EML2: variants seen among roughly 807,000 people sequenced by gnomAD.
EML2 encodes the protein echinoderm microtubule-associated protein-like 2.
A neutral mutation model predicts 84.7 loss-of-function variants in EML2; 59 were observed. The observed-to-expected ratio is 0.70, with a 90% CI of 0.56 to 0.86. The LOEUF (loss-of-function observed/expected upper bound fraction) is 0.86, where lower values mean the gene tolerates loss of function less well. Ranked by LOEUF, EML2 falls within the 40% of genes least tolerant of loss-of-function variation. EML2 has a pLI of 0.00. For missense variants in EML2, 818 were observed against 855.6 expected (o/e 0.96, Z 0.55); for synonymous variants, 352 against 348.9 (o/e 1.01, Z -0.10).
chr19:45,639,090 C>A, intron 1 of EML2: 1 of 728,572 alleles, frequency 1.4e-6, no homozygotes, highest in Non-Finnish European at 2.4e-6. Context: ...CGCCAAAGAT[C>A]ACACAGCACG....
chr19:45,637,968 C>T (rs995025196), intron 3 of EML2, among the ~76,000 whole-genome samples: 5 of 151,976 alleles, frequency 3.3e-5, no homozygotes, highest in African/African-American at 4.8e-5. Context: ...TGAGCCACCG[C>T]GCCCGGCCTG....
At chr19:45,642,562 C>T (rs1974651461), upstream of EML2, 1 of 1,359,360 alleles carries the variant, frequency 7.4e-7, no homozygotes, top group African/African-American at 1.5e-5. Context: ...CCGCACACTC[C>T]TCTCTGCCAC....
At chr19:45,641,697 C>T (rs1226990349), upstream of EML2, 1 of 1,536,136 alleles carries the variant, frequency 6.5e-7, no homozygotes, top group East Asian at 2.4e-5. Context: ...TGCGGGGGTC[C>T]TCACGGCGCA....
In EML2 at chr19:45,613,529, C is replaced by G; in HGVS notation, c.1824+12G>C. On this transcript the variant is annotated intron_variant, in intron 18 of 18. Coordinates refer to ENST00000245925, the MANE Select transcript of EML2 (RefSeq NM_012155.4). ...CTACCCCCGTCCATCCCCATCTCCCCAAGGGACTCACTCGAGGCTGACAGC... is the reference window on the plus strand; with the variant it reads ...CTACCCCCGTCCATCCCCATCTCCCGAAGGGACTCACTCGAGGCTGACAGC... The G allele has an allele frequency of 6.2e-7, 1 of 1,613,444 alleles. No homozygotes were observed. Among genetic ancestry groups the G allele is most frequent in the Non-Finnish European group, 8.5e-7 (1 of 1,179,720 alleles).
At chr19:45,618,967 C>A in intron 12 of EML2, 93 bp downstream of exon 12, 1 of 1,319,376 alleles carries the variant, frequency 7.6e-7, no homozygotes. Flanking sequence ...AAAAAAAGAC[C>A]TTGTTTGGTT....
At chr19:45,618,083 A>G (rs556496256) in intron 12 of EML2, among the ~76,000 whole-genome samples, 27 of 151,792 alleles carry the variant, frequency 1.8e-4, no homozygotes, top group African/African-American at 6.3e-4. Flanking sequence ...TATTTTTTTG[A>G]GATGGAGTTT....
At chr19:45,622,307 G>A (rs1239107778) in intron 9 of EML2, among the ~76,000 whole-genome samples, 3 of 151,700 alleles carry the variant, frequency 2.0e-5, no homozygotes, top group Non-Finnish European at 2.9e-5. Flanking sequence ...CATCACCCTA[G>A]CCATTCATCC....
At position 45,634,356 on chromosome 19, in the gene EML2, G is replaced by C. The variant is rs35928591; in HGVS notation, c.295C>G (p.Arg99Gly). 2 of 1,613,626 alleles carry C rather than the reference G, an allele frequency of 1.2e-6. No homozygotes were observed. Among genetic ancestry groups the C allele is most frequent in the Non-Finnish European group, 1.7e-6 (2 of 1,179,796 alleles). Reference protein sequence around the residue: ...VLYSVEEQRQRHYLGHNDDIK... With the variant: ...VLYSVEEQRQGHYLGHNDDIK... ...TCATCGTTGTGTCCCAGGTAGTGTC[G>C]CTGCCTCTGCTCCTCCACGCTGTAT... Residue 99 changes from arginine (R) to glycine (G), a missense_variant, in exon 4 of 19, where the codon CGA becomes GGA. Transcript: ENST00000245925.
At chr19:45,614,814 G>T (rs1970845094) in intron 16 of EML2, 114 bp from the exon 17 acceptor site, 1 of 831,320 alleles carries the variant, frequency 1.2e-6, no homozygotes, top group Non-Finnish European at 2.0e-6. Context: ...AAGGTCCCAG[G>T]GCTCATTCTA....
upstream of EML2, chr19:45,645,405 C>G: frequency 3.4e-6 from 5 of 1,486,462 alleles, no homozygotes; most frequent in South Asian, 1.3e-5. Context: ...CAACCAGGCC[C>G]TGCCTCCCGT....
intron 7 of EML2, among the ~76,000 whole-genome samples, chr19:45,629,415 TC>T (rs1218230407): frequency 9.2e-5 from 14 of 152,152 alleles, no homozygotes; most frequent in Admixed American, 4.6e-4. Flanking sequence ...AACCTCCGCC[TC>T]CGGGTTCAAG....
At chr19:45,634,030 ACCT>A (rs1196012395) in intron 4 of EML2, among the ~76,000 whole-genome samples, 2 of 152,076 alleles carry the variant, frequency 1.3e-5, no homozygotes, top group Admixed American at 1.3e-4. Flanking sequence ...TGCAGCCTCG[ACCT>A]CCTGGGTTCA....
chr19:45,623,133 G>A (rs1323339719), intron 9 of EML2, among the ~76,000 whole-genome samples: 1 of 151,482 alleles, frequency 6.6e-6, no homozygotes, highest in Admixed American at 6.6e-5. Context: ...GCCGAGGTGG[G>A]CGGATCACGA....
intron 9 of EML2, 32 bp from the exon 10 acceptor site, chr19:45,621,669 G>A: frequency 6.3e-7 from 1 of 1,597,532 alleles, no homozygotes; most frequent in Non-Finnish European, 8.5e-7. Context: ...GGTCAACAGG[G>A]AGAAGCCACC....
In EML2 at chr19:45,621,292, C is replaced by A; in HGVS notation, c.1037G>T (p.Gly346Val). The change falls in exon 11 of 19, where the codon GGC becomes GTC. Residue 346 changes from glycine to valine, a missense_variant. Physicochemically the swap from Gly to Val is moderately radical, Grantham distance 109. Transcript: ENST00000245925. ...CCCCACGTACAGTGTGTCTCCGTGG[C>A]CCTCTGCCACGGTGCGCACAGGGCC... is the stretch of plus-strand genomic sequence containing the variant. Reference protein sequence around the residue: ...DFGPVRTVAEGHGDTLYVGTT... With the variant: ...DFGPVRTVAEVHGDTLYVGTT... 6.2e-7 allele frequency: 1 copy of A among 1,612,610 alleles called. No individual in the cohort carries two copies. Among genetic ancestry groups the A allele is most frequent in the Non-Finnish European group, 8.5e-7 (1 of 1,179,122 alleles).
chr19:45,642,554 G>A, upstream of EML2: 3 of 1,379,458 alleles, frequency 2.2e-6, no homozygotes, highest in Non-Finnish European at 2.8e-6. Flanking sequence ...CAACCCATCC[G>A]CACACTCCTC....
intron 11 of EML2, 93 bp from the exon 12 acceptor site, chr19:45,619,284 C>A (rs1971435150): frequency 9.6e-6 from 14 of 1,454,904 alleles, no homozygotes; most frequent in Non-Finnish European, 1.3e-5. Flanking sequence ...TGAGCCCCAG[C>A]AACTCACCCT....
chr19:45,626,844 G>A lies in EML2; in HGVS notation c.607-5C>T, dbSNP rs755087387. 45 of 1,605,784 alleles carry A rather than the reference G, an allele frequency of 2.8e-5. 1 individual carries two copies. In the South Asian group the frequency reaches 4.8e-4, roughly 17 times the overall value. ...CAATACAGCCTCATTGGAGCACTTT[G>A]GGGGGTGGGGGAGATTCTGAATGAG... is the stretch of plus-strand genomic sequence containing the variant. On this transcript the variant is annotated splice_polypyrimidine_tract_variant and splice_region_variant and intron_variant, in intron 7 of 18. Transcript: ENST00000245925.
At position 45,609,412 on chromosome 19, in the gene EML2, T is replaced by A. The variant is rs768009438; in HGVS notation, c.*251A>T. On this transcript the variant is annotated 3_prime_UTR_variant, in exon 19 of 19. Coordinates refer to ENST00000245925, the MANE Select transcript of EML2 (RefSeq NM_012155.4). ...ACCCTGACACACCTTAGTGTACGTG[T>A]CTTTATTTCTGGATGATATAAAAGA... 8.2e-6 allele frequency: 3 copies of A among 365,296 alleles called. No individual in the cohort carries two copies. Among genetic ancestry groups the A allele is most frequent in the East Asian group, 5.2e-5 (1 of 19,316 alleles). 22.6% of individuals were successfully genotyped at this position (365,296 alleles called of 1,614,324 possible).
Sources: gnomAD v4.1 joint callset for allele counts (sites outside exome capture counted in the v4.1 genomes callset) on GRCh38, gnomAD v4.1.1 for gene constraint, MANE v1.5 for transcripts, NCBI Gene and HGNC (gene_info 2026-07-23, HGNC 2026-07-21) for gene names.